ADGRV1: variants seen among roughly 807,000 people sequenced by gnomAD.
ADGRV1 encodes the protein G-protein coupled receptor 98.
ADGRV1 carries 359 observed loss-of-function variants against 596.2 expected under a neutral mutation model. The ratio of observed to expected loss-of-function variants is 0.60; its 90% CI spans 0.55 to 0.66. The LOEUF (loss-of-function observed/expected upper bound fraction) is 0.66. Ranked by LOEUF, ADGRV1 falls within the 30% of genes least tolerant of loss-of-function variation. The pLI is 0.00. For synonymous variants in ADGRV1, 2,681 were observed against 2,679.2 expected (o/e 1.00, Z -0.02); for missense variants, 7,274 against 7,575.6 (o/e 0.96, Z 1.48).
intron 1 of ADGRV1, among the ~76,000 whole-genome samples, chr5:90,577,965 A>G (rs1757462693): frequency 6.6e-6 from 1 of 152,210 alleles, no homozygotes. Context: ...CGGATTTTGT[A>G]TCCTGAGACT....
chr5:90,950,444 C>G (rs1490226442), intron 83 of ADGRV1, among the ~76,000 whole-genome samples: 1 of 152,070 alleles, frequency 6.6e-6, no homozygotes, highest in Non-Finnish European at 1.5e-5. Context: ...GCCTCAGCCT[C>G]CCGAGTAGCT....
At chr5:90,958,650 C>T (rs1777717704) in intron 83 of ADGRV1, among the ~76,000 whole-genome samples, 1 of 152,076 alleles carries the variant, frequency 6.6e-6, no homozygotes, top group African/African-American at 2.4e-5. Context: ...CCATCATCTC[C>T]CTTTGTCTTC....
intron 85 of ADGRV1, among the ~76,000 whole-genome samples, chr5:91,058,281 A>AT (rs1463551289): frequency 1.3e-5 from 2 of 152,156 alleles, no homozygotes; most frequent in Non-Finnish European, 1.5e-5. Flanking sequence ...GAAGGAACTT[A>AT]TTTTTTAAAG....
chr5:90,603,184 A>G (rs898006969), intron 1 of ADGRV1, among the ~76,000 whole-genome samples: 1 of 152,092 alleles, frequency 6.6e-6, no homozygotes, highest in Non-Finnish European at 1.5e-5. Flanking sequence ...CTGTGGTTCA[A>G]ATTTTGGGGG....
intron 85 of ADGRV1, among the ~76,000 whole-genome samples, chr5:91,035,340 G>A (rs1784778294): frequency 1.3e-5 from 2 of 152,162 alleles, no homozygotes; most frequent in South Asian, 4.1e-4. Flanking sequence ...CTTCCCAATG[G>A]ACTATTAAGG....
chr5:90,632,914 A>G (rs749609625), intron 9 of ADGRV1, among the ~76,000 whole-genome samples: 3 of 152,202 alleles, frequency 2.0e-5, no homozygotes, highest in Non-Finnish European at 4.4e-5. Flanking sequence ...GCTAGTTGGA[A>G]TAAGAGGGCT....
chr5:90,855,314 A>G (rs1766923258), intron 81 of ADGRV1, among the ~76,000 whole-genome samples: 1 of 152,218 alleles, frequency 6.6e-6, no homozygotes, highest in African/African-American at 2.4e-5. Flanking sequence ...AGTAATTTAT[A>G]TGGTTCAAAA....
intron 50 of ADGRV1, among the ~76,000 whole-genome samples, chr5:90,741,877 A>G (rs1690933292): frequency 6.6e-6 from 1 of 152,224 alleles, no homozygotes. Flanking sequence ...TATTTTATTA[A>G]AAGTATTAGA....
chr5:90,716,830 ACTTCCAG>A lies in ADGRV1; in HGVS notation c.9447+105_9447+111del, dbSNP rs1195002000. On this transcript the variant is annotated intron_variant, in intron 43 of 89. Coordinates refer to ENST00000405460, the MANE Select transcript of ADGRV1 (RefSeq NM_032119.4). ...TCAAGTCCTAGAATGAAAAAACAAT[ACTTCCAG>A]CTTAGGTGTTAGACAAAGACATGAT... 3 of 816,718 alleles carry A rather than the reference ACTTCCAG, an allele frequency of 3.7e-6. No homozygotes were observed. The African/African-American group carries it at 5.2e-5, about 14-fold the overall frequency. 50.6% of individuals were successfully genotyped at this position (816,718 alleles called of 1,614,324 possible).
At chr5:90,864,820 G>A (rs1002512857) in intron 83 of ADGRV1, among the ~76,000 whole-genome samples, 3 of 152,110 alleles carry the variant, frequency 2.0e-5, no homozygotes, top group Non-Finnish European at 2.9e-5. Flanking sequence ...TTTTCTGGAT[G>A]GGGAGACACT....
intron 43 of ADGRV1, 96 bp from the exon 44 acceptor site, chr5:90,719,952 G>A: frequency 1.1e-6 from 1 of 882,646 alleles, no homozygotes; most frequent in Non-Finnish European, 1.8e-6. Flanking sequence ...TTCAAAACAT[G>A]CTATTTTGTT....
chr5:90,729,793 C>T (rs755315480), intron 50 of ADGRV1, 29 bp downstream of exon 50: 1 of 1,606,590 alleles, frequency 6.2e-7, no homozygotes. Context: ...CTCACCAATT[C>T]TAAAGGTAGT....
intron 83 of ADGRV1, among the ~76,000 whole-genome samples, chr5:90,918,672 G>A (rs1180184012): frequency 6.6e-6 from 1 of 152,142 alleles, no homozygotes; most frequent in Non-Finnish European, 1.5e-5. Flanking sequence ...GAGATTAAAT[G>A]AGATATCTAT....
At chr5:90,864,855 T>G (rs1487420641) in intron 83 of ADGRV1, among the ~76,000 whole-genome samples, 1 of 152,174 alleles carries the variant, frequency 6.6e-6, no homozygotes, top group Non-Finnish European at 1.5e-5. Flanking sequence ...AATACTCTAT[T>G]GATTGGGTGC....
intron 87 of ADGRV1, among the ~76,000 whole-genome samples, chr5:91,127,314 C>A (rs1793842997): frequency 6.6e-6 from 1 of 152,084 alleles, no homozygotes; most frequent in South Asian, 2.1e-4. Context: ...CTGATGTGGG[C>A]AGATTGCTTG....
intron 58 of ADGRV1, among the ~76,000 whole-genome samples, chr5:90,761,924 C>G (rs1279422458): frequency 6.6e-6 from 1 of 152,132 alleles, no homozygotes; most frequent in Non-Finnish European, 1.5e-5. Flanking sequence ...TGAAGTTTAT[C>G]TTTTAACCTT....
chr5:90,919,570 G>A (rs965407909), intron 83 of ADGRV1, among the ~76,000 whole-genome samples: 3 of 152,154 alleles, frequency 2.0e-5, no homozygotes, highest in African/African-American at 7.2e-5. Flanking sequence ...TTGCTAAAAT[G>A]TACTATAATT....
intron 1 of ADGRV1, among the ~76,000 whole-genome samples, chr5:90,611,991 A>C (rs1762782035): frequency 6.6e-6 from 1 of 152,030 alleles, no homozygotes; most frequent in Non-Finnish European, 1.5e-5. Context: ...CTTTTCATAC[A>C]GTGTGAAAAG....
intron 29 of ADGRV1, among the ~76,000 whole-genome samples, chr5:90,687,564 G>A (rs2149603456): frequency 6.6e-6 from 1 of 152,270 alleles, no homozygotes; most frequent in Non-Finnish European, 1.5e-5. Context: ...TTAGGCAGGA[G>A]AATGACATAA....
Sources: gnomAD v4.1 joint callset for allele counts (sites outside exome capture counted in the v4.1 genomes callset) on GRCh38, gnomAD v4.1.1 for gene constraint, MANE v1.5 for transcripts, NCBI Gene and HGNC (gene_info 2026-07-23, HGNC 2026-07-21) for gene names.